The following PEX7 variants were observed in gnomAD, a reference collection of about 807,000 sequenced individuals.
The protein encoded by PEX7 is peroxisomal biogenesis factor 7.
Under a neutral mutation model 47.5 loss-of-function variants are expected in PEX7, and 34 were observed. The ratio of observed to expected loss-of-function variants is 0.72; its 90% CI spans 0.54 to 0.95. PEX7 has a LOEUF of 0.95. Ranked by LOEUF, PEX7 falls within the 40% of genes least tolerant of loss-of-function variation. The pLI is 0.00. For missense variants in PEX7, 394 were observed against 400.3 expected, an observed-to-expected ratio of 0.98 and a Z score of 0.13; for synonymous variants, 141 against 148.8, an observed-to-expected ratio of 0.95 and a Z score of 0.38.
chr6:136,864,023 C>T (rs541826765), intron 5 of PEX7, among the ~76,000 whole-genome samples: 1 of 152,262 alleles, frequency 6.6e-6, no homozygotes, highest in East Asian at 1.9e-4. Flanking sequence ...ACCCAGACTC[C>T]TTGGGTTCTG....
intron 5 of PEX7, among the ~76,000 whole-genome samples, chr6:136,848,707 A>G (rs1774679169): frequency 6.6e-6 from 1 of 152,050 alleles, no homozygotes; most frequent in Admixed American, 6.6e-5. Context: ...AGCCAACTTG[A>G]TCTTGGTGGA....
chr6:136,859,739 C>G (rs574022111), intron 5 of PEX7, among the ~76,000 whole-genome samples: 3 of 152,048 alleles, frequency 2.0e-5, no homozygotes, highest in Non-Finnish European at 4.4e-5. Flanking sequence ...TTCACTGGTT[C>G]TGGCCAGGCA....
chr6:136,911,509 G>A lies in PEX7; in HGVS notation c.904-1949G>A, dbSNP rs374000286. On this transcript the variant is annotated intron_variant, in intron 9 of 9. Coordinates refer to ENST00000318471, the MANE Select transcript of PEX7 (RefSeq NM_000288.4). ...CAACCTCTGCCTCCCAGGTTGAAGCGATTCTCCCACCTCAGCCTCCCTAGT... is the reference window on the plus strand; with the variant it reads ...CAACCTCTGCCTCCCAGGTTGAAGCAATTCTCCCACCTCAGCCTCCCTAGT... Among the ~76,000 whole-genome samples the A allele has an allele frequency of 3.2e-4, 48 of 152,090 alleles. No individual in the cohort carries two copies. The East Asian group carries it at 3.7e-3, about 12-fold the overall frequency.
chr6:136,845,419 G>A (rs1774577846), intron 3 of PEX7, among the ~76,000 whole-genome samples, 196 bp from the exon 4 acceptor site: 1 of 152,188 alleles, frequency 6.6e-6, no homozygotes, highest in Non-Finnish European at 1.5e-5. Flanking sequence ...AGTCTTATCT[G>A]TAAGGAATAA....
At chr6:136,825,349 T>A in intron 2 of PEX7, 78 bp downstream of exon 2, 1 of 1,162,944 alleles carries the variant, frequency 8.6e-7, no homozygotes, top group Non-Finnish European at 1.3e-6. Context: ...ACTCTTTGAT[T>A]AATGTTTTAA....
chr6:136,850,894 C>G (rs976702815), intron 5 of PEX7, among the ~76,000 whole-genome samples: 1 of 134,902 alleles, frequency 7.4e-6, no homozygotes, highest in Non-Finnish European at 1.5e-5. Flanking sequence ...TGGCAAACTA[C>G]TGCCCTCAGA....
intron 3 of PEX7, among the ~76,000 whole-genome samples, chr6:136,841,838 G>A (rs1353401412): frequency 1.2e-4 from 18 of 150,762 alleles, no homozygotes; most frequent in African/African-American, 4.1e-4. Context: ...CTCCTGCCTC[G>A]GCCTCCCAAA....
rs3799478 is a variant in PEX7, at chr6:136,905,559, C to T, written c.903+7318C>T. On this transcript the variant is annotated intron_variant, in intron 9 of 9. Transcript: ENST00000318471. ...TTTTTCAGACTTTTTTCTTATTTAG[C>T]CATATAATTTTGATATTTGAAAAAA... Among the ~76,000 whole-genome samples, 520 of 152,176 alleles carry T rather than the reference C, an allele frequency of 3.4e-3. 9 individuals are homozygous for T. In the South Asian group the frequency reaches 0.041, roughly 12 times the overall value.
chr6:136,832,226 A>T (rs1226846324), intron 3 of PEX7, among the ~76,000 whole-genome samples: 1 of 152,260 alleles, frequency 6.6e-6, no homozygotes, highest in African/African-American at 2.4e-5. Flanking sequence ...GAAGCTGCCA[A>T]GGTTTAGGGC....
chr6:136,838,107 C>G (rs898437238), intron 3 of PEX7, among the ~76,000 whole-genome samples: 5 of 152,050 alleles, frequency 3.3e-5, no homozygotes, highest in Non-Finnish European at 7.4e-5. Context: ...TATTTAGTAG[C>G]CCGTAATGAA....
At chr6:136,875,513 C>A (rs1765506824) in intron 8 of PEX7, among the ~76,000 whole-genome samples, 1 of 152,114 alleles carries the variant, frequency 6.6e-6, no homozygotes, top group Non-Finnish European at 1.5e-5. Context: ...TCAGAGAATA[C>A]TATTTTAGTC....
At chr6:136,897,638 GA>G (rs1775674912) in intron 8 of PEX7, among the ~76,000 whole-genome samples, 1 of 152,158 alleles carries the variant, frequency 6.6e-6, no homozygotes, top group Non-Finnish European at 1.5e-5. Context: ...TAAGAGAACA[GA>G]TTTTTTTCAA....
At chr6:136,906,002 T>A (rs1349709193) in intron 9 of PEX7, among the ~76,000 whole-genome samples, 1 of 152,234 alleles carries the variant, frequency 6.6e-6, no homozygotes, top group East Asian at 1.9e-4. Flanking sequence ...CTGCCTTAGA[T>A]AAGCACTTAT....
intron 1 of PEX7, chr6:136,823,213 C>T: frequency 1.0e-6 from 1 of 985,370 alleles, no homozygotes; most frequent in Non-Finnish European, 1.2e-6. Context: ...GCGAGTTGGC[C>T]CACAATTCCC....
At chr6:136,905,067 C>T (rs962357677) in intron 9 of PEX7, among the ~76,000 whole-genome samples, 6 of 152,134 alleles carry the variant, frequency 3.9e-5, no homozygotes, top group African/African-American at 1.4e-4. Flanking sequence ...AGTCCATTCT[C>T]CACTGTATCT....
At chr6:136,826,252 T>G (rs1161807572) in intron 2 of PEX7, 67 bp from the exon 3 acceptor site, 2 of 1,540,854 alleles carry the variant, frequency 1.3e-6, no homozygotes, top group Non-Finnish European at 1.8e-6. Flanking sequence ...TAATTGTTAT[T>G]TTTTTTGTTG....
intron 3 of PEX7, among the ~76,000 whole-genome samples, chr6:136,844,586 A>C (rs928885624): frequency 6.6e-6 from 1 of 152,184 alleles, no homozygotes; most frequent in African/African-American, 2.4e-5. Context: ...CATGGTGTAC[A>C]TTGAATCTCT....
intron 3 of PEX7, 69 bp downstream of exon 3, chr6:136,826,538 T>G: frequency 6.4e-7 from 1 of 1,565,622 alleles, no homozygotes; most frequent in Non-Finnish European, 8.8e-7. Flanking sequence ...CATTTGGGGA[T>G]GGACACATGG....
At chr6:136,855,132 G>A (rs1272553561) in intron 5 of PEX7, among the ~76,000 whole-genome samples, 2 of 151,060 alleles carry the variant, frequency 1.3e-5, no homozygotes, top group African/African-American at 2.4e-5. Flanking sequence ...TAGTGAAACA[G>A]TGAAGACTTA....
Sources: gnomAD v4.1 joint callset for allele counts (sites outside exome capture counted in the v4.1 genomes callset) on GRCh38, gnomAD v4.1.1 for gene constraint, MANE v1.5 for transcripts, NCBI Gene and HGNC (gene_info 2026-07-23, HGNC 2026-07-21) for gene names.